Variants in UNG observed in about 807,000 individuals in gnomAD.
UNG encodes uracil-DNA glycosylase.
Under a neutral mutation model 36.5 loss-of-function variants are expected in UNG, and 34 were observed. That is an observed-to-expected ratio of 0.93 (90% confidence interval 0.71 to 1.24). The LOEUF (loss-of-function observed/expected upper bound fraction) is 1.24. Among genes scored for constraint, UNG ranks in the 50% most tolerant of loss-of-function variants. The pLI is 0.00. For missense variants in UNG, 391 were observed against 397.6 expected (o/e 0.98, Z 0.14); for synonymous variants, 172 against 157.8 (o/e 1.09, Z -0.67).
At chr12:109,104,055 G>GTTTTTTTTTTTTT (rs2042198860) in intron 6 of UNG, among the ~76,000 whole-genome samples, 2 of 148,140 alleles carry the variant, frequency 1.4e-5, no homozygotes, top group African/African-American at 5.1e-5. Context: ...TTGTTTCTGG[G>GTTTTTTTTTTTTT]TTTTTTGTTT....
At chr12:109,103,264 A>G (rs1347620315) in intron 5 of UNG, among the ~76,000 whole-genome samples, 169 bp from the exon 6 acceptor site, 1 of 152,072 alleles carries the variant, frequency 6.6e-6, no homozygotes, top group Non-Finnish European at 1.5e-5. Context: ...CCCCGACTCC[A>G]TTGTTGATGG....
At chr12:109,098,940 C>T (rs1383570405) in intron 2 of UNG, among the ~76,000 whole-genome samples, 2 of 152,190 alleles carry the variant, frequency 1.3e-5, no homozygotes, top group African/African-American at 2.4e-5. Flanking sequence ...CTGGCTTGAG[C>T]TTTAAAAAGC....
chr12:109,099,136 C>G, intron 2 of UNG, 53 bp from the exon 3 acceptor site: 1 of 1,524,150 alleles, frequency 6.6e-7, no homozygotes, highest in Non-Finnish European at 9.1e-7. Context: ...TTATTGAATT[C>G]TTATGGTTTC....
rs576935575 is a variant in UNG, at chr12:109,109,870, G to T, written c.843G>T (p.Leu281Phe). ...HVLQTAHPSP[L>F]SVYRGFFGCR... ...TACAGACGGCTCATCCCTCCCCTTT[G>T]TCAGTGTATAGAGGGTTCTTTGGAT... The change falls in exon 7 of 7, where the codon TTG (leucine) becomes TTT (phenylalanine). Residue 281 changes from leucine to phenylalanine, a missense_variant. By Grantham distance (22) the Leu-to-Phe change is conservative. Transcript: ENST00000242576. 4.2e-4 allele frequency: 680 copies of T among 1,613,678 alleles called. 7 individuals are homozygous for T. In the South Asian group the frequency reaches 7.0e-3, roughly 17 times the overall value.
intron 6 of UNG, among the ~76,000 whole-genome samples, chr12:109,105,926 G>A (rs1439909411): frequency 1.3e-5 from 2 of 152,202 alleles, no homozygotes; most frequent in Non-Finnish European, 2.9e-5. Context: ...GCCCCCAATC[G>A]GCCTCCCAGA....
chr12:109,103,284 C>A, intron 5 of UNG, 149 bp from the exon 6 acceptor site: 1 of 795,530 alleles, frequency 1.3e-6, no homozygotes. Flanking sequence ...GTAGTGGCTG[C>A]TGCCATTATG....
At chr12:109,101,778 ACT>A in intron 3 of UNG, 122 bp from the exon 4 acceptor site, 2 of 805,034 alleles carry the variant, frequency 2.5e-6, no homozygotes, top group South Asian at 2.9e-5. Context: ...TTGACCAGCA[ACT>A]CTGCTATTAG....
intron 6 of UNG, among the ~76,000 whole-genome samples, 175 bp from the exon 7 acceptor site, chr12:109,109,654 G>A (rs967467692): frequency 2.6e-5 from 4 of 151,460 alleles, no homozygotes; most frequent in Non-Finnish European, 5.9e-5. Flanking sequence ...GTGGTGGCAC[G>A]CGCCTGTAGT....
Position 109,098,424 on chromosome 12 carries a change from A to G in UNG, c.133-8A>G, listed in dbSNP as rs757878186. 7.5e-6 allele frequency: 12 copies of G among 1,605,344 alleles called. No homozygotes were observed. Among genetic ancestry groups the G allele is most frequent in the African/African-American group, 1.3e-5 (1 of 74,618 alleles). On this transcript the variant is annotated splice_region_variant and splice_polypyrimidine_tract_variant and intron_variant, in intron 1 of 6. Transcript: ENST00000242576. Reference sequence around the variant, plus strand: ...CTCTTGAGCCGCCTCTGCGGGGACCACTTGCAGGCCATCCCAGCCAAGAAG... The same window carrying G: ...CTCTTGAGCCGCCTCTGCGGGGACCGCTTGCAGGCCATCCCAGCCAAGAAG...
chr12:109,106,877 A>ATATATATATATACACATATAGATATACG (rs2042218696), intron 6 of UNG, among the ~76,000 whole-genome samples: 1 of 35,126 alleles, frequency 2.8e-5, no homozygotes, highest in Non-Finnish European at 7.9e-5. Flanking sequence ...AAAAAAAAAC[A>ATATATATATATACACATATAGATATACG]TATATATATA....
chr12:109,099,114 C>T, intron 2 of UNG, 75 bp from the exon 3 acceptor site: 1 of 1,385,594 alleles, frequency 7.2e-7, no homozygotes, highest in Non-Finnish European at 1.0e-6. Context: ...ATAACTTGCA[C>T]TAGAAGCTTT....
At chr12:109,106,877 A>ATATAGATATATACACATATATATATACG in intron 6 of UNG, among the ~76,000 whole-genome samples, 1 of 35,136 alleles carries the variant, frequency 2.8e-5, no homozygotes, top group Admixed American at 4.6e-4. Flanking sequence ...AAAAAAAAAC[A>ATATAGATATATACACATATATATATACG]TATATATATA....
intron 6 of UNG, among the ~76,000 whole-genome samples, chr12:109,103,832 C>T (rs1033549578): frequency 6.6e-6 from 1 of 152,090 alleles, no homozygotes; most frequent in African/African-American, 2.4e-5. Flanking sequence ...AGCAAAGCAA[C>T]TGGCCAACTT....
intron 2 of UNG, 56 bp from the exon 3 acceptor site, chr12:109,099,133 A>G: frequency 6.6e-7 from 1 of 1,510,650 alleles, no homozygotes; most frequent in Non-Finnish European, 9.2e-7. Flanking sequence ...TTCTTATTGA[A>G]TTCTTATGGT....
rs1463958800 is a variant in UNG, at chr12:109,110,270, A to T, written c.*301A>T. 1 of 413,220 alleles carries T rather than the reference A, an allele frequency of 2.4e-6. No homozygotes were observed. Among genetic ancestry groups the T allele is most frequent in the Non-Finnish European group, 4.5e-6 (1 of 221,094 alleles). 25.6% of individuals were successfully genotyped at this position (413,220 alleles called of 1,614,324 possible). On this transcript the variant is annotated 3_prime_UTR_variant, in exon 7 of 7. Transcript: ENST00000242576. ...ATCTCCCTTGCCTTTATGGTGAAAC[A>T]GGGGAGATGTGCACCTTTCAGGCAC...
At chr12:109,103,700 T>A in intron 6 of UNG, 89 bp downstream of exon 6, 1 of 1,364,358 alleles carries the variant, frequency 7.3e-7, no homozygotes, top group Admixed American at 2.2e-5. Flanking sequence ...CTGTGTTTGG[T>A]CCTGGAAAAT....
intron 6 of UNG, 23 bp downstream of exon 6, chr12:109,103,634 T>G (rs1356039399): frequency 1.5e-6 from 2 of 1,332,698 alleles, no homozygotes; most frequent in African/African-American, 2.8e-5. Flanking sequence ...TTCTTTCTTT[T>G]TTTTCTTTTT....
chr12:109,106,863 C>T, intron 6 of UNG, among the ~76,000 whole-genome samples: 1 of 5,726 alleles, frequency 1.7e-4, no homozygotes, highest in Non-Finnish European at 4.1e-4. Flanking sequence ...GAGACTCTAT[C>T]TCAAAAAAAA....
intron 2 of UNG, 140 bp from the exon 3 acceptor site, chr12:109,099,049 G>T (rs2042156927): frequency 2.2e-6 from 2 of 893,048 alleles, no homozygotes; most frequent in African/African-American, 1.7e-5. Flanking sequence ...GTTTTTGTTT[G>T]TTGTTTTTTA....
Sources: allele counts gnomAD v4.1 joint callset (sites outside exome capture counted in the v4.1 genomes callset), GRCh38; gene constraint gnomAD v4.1.1; transcripts MANE v1.5; gene names NCBI Gene and HGNC (gene_info 2026-07-23, HGNC 2026-07-21).